Variants in RARB observed in about 807,000 individuals in gnomAD.
The protein encoded by RARB is HBV-activated protein.
Under a neutral mutation model 51.9 loss-of-function variants are expected in RARB, and 17 were observed. That is an observed-to-expected ratio of 0.33 (90% CI 0.22 to 0.49). The LOEUF is 0.49. RARB is among the 20% of genes least tolerant of loss of function. The pLI, the probability that RARB is intolerant of heterozygous loss-of-function variation, is 0.99. For synonymous variants in RARB, 215 were observed against 195.4 expected (o/e 1.10, Z -0.84); for missense variants, 369 against 550.8 (o/e 0.67, Z 3.30).
intron 2 of RARB, among the ~76,000 whole-genome samples, chr3:25,033,035 T>C (rs1032239543): frequency 1.3e-5 from 2 of 152,252 alleles, no homozygotes; most frequent in Non-Finnish European, 2.9e-5. Flanking sequence ...ACTCAATTTC[T>C]AAAATAATCA....
chr3:24,869,247 A>G (rs1702902270), intron 2 of RARB, among the ~76,000 whole-genome samples: 1 of 152,144 alleles, frequency 6.6e-6, no homozygotes, highest in South Asian at 2.1e-4. Flanking sequence ...AATGTGTCTT[A>G]AGTTGGTTTA....
chr3:24,935,862 C>A (rs889957519), intron 2 of RARB, among the ~76,000 whole-genome samples: 41 of 152,168 alleles, frequency 2.7e-4, no homozygotes, highest in African/African-American at 9.9e-4. Context: ...TGGCAGAGAG[C>A]TCTGTCCAAT....
chr3:25,370,789 C>T (rs147474532), intron 5 of RARB, among the ~76,000 whole-genome samples: 4 of 152,264 alleles, frequency 2.6e-5, no homozygotes, highest in South Asian at 4.1e-4. Flanking sequence ...GGCTTGCTGG[C>T]GTCAAACAAC....
chr3:24,987,694 T>G (rs1242942860), intron 2 of RARB, among the ~76,000 whole-genome samples: 4 of 152,186 alleles, frequency 2.6e-5, no homozygotes, highest in Non-Finnish European at 5.9e-5. Context: ...AAAAGATGAT[T>G]TTTCCAAATT....
At position 25,312,314 on chromosome 3, in the gene RARB, T is replaced by A. The variant is rs1044191522; in HGVS notation, c.178+137739T>A. Among the ~76,000 whole-genome samples the A allele has an allele frequency of 3.3e-5, 5 of 152,346 alleles. No individual in the cohort carries two copies. In the South Asian group the frequency reaches 1.0e-3, roughly 32 times the overall value. ...AACACATTCATATTCACTGTTTGAT[T>A]TGATTCTCAAAACAACCCCGGGAGG... On this transcript the variant is annotated intron_variant, in intron 5 of 11. Coordinates refer to the RARB transcript ENST00000383772.
At chr3:25,360,982 C>G (rs1705915577) in intron 5 of RARB, among the ~76,000 whole-genome samples, 1 of 152,120 alleles carries the variant, frequency 6.6e-6, no homozygotes. Flanking sequence ...CAAGGAGTGT[C>G]TTAGTGGTGT....
chr3:25,309,605 C>T (rs1481997925), intron 5 of RARB, among the ~76,000 whole-genome samples: 2 of 144,512 alleles, frequency 1.4e-5, no homozygotes, highest in East Asian at 2.3e-4. Context: ...TCAAGCAATT[C>T]ACCTGCCTCA....
At chr3:24,851,987 G>A (rs1702566015) in intron 1 of RARB, among the ~76,000 whole-genome samples, 1 of 152,200 alleles carries the variant, frequency 6.6e-6, no homozygotes. Flanking sequence ...TTTCAAATAT[G>A]TCTTGACTTT....
chr3:24,904,669 C>T (rs1052048470), intron 2 of RARB, among the ~76,000 whole-genome samples: 4 of 152,144 alleles, frequency 2.6e-5, no homozygotes, highest in Admixed American at 2.0e-4. Context: ...TGGGTATATA[C>T]CCAAAGGATT....
At chr3:25,077,181 T>G (rs937227180) in intron 3 of RARB, among the ~76,000 whole-genome samples, 7 of 152,174 alleles carry the variant, frequency 4.6e-5, no homozygotes, top group Admixed American at 2.0e-4. Context: ...AACTACTCCT[T>G]CTAAACCAAG....
At position 25,104,911 on chromosome 3, in the gene RARB, G is replaced by A. The variant is rs116157768; in HGVS notation, c.-327-27250G>A. On this transcript the variant is annotated intron_variant, in intron 3 of 11. Coordinates refer to the RARB transcript ENST00000383772. ...CAGTGCTAGAAGTTGGGGGAGTGGA[G>A]GTAATGCCTGCAAGGGGAGCTCCTG... Among the ~76,000 whole-genome samples the A allele has an allele frequency of 3.2e-3, 488 of 152,248 alleles. 9 individuals carry two copies. The highest frequency in any genetic ancestry group is 6.8e-3 in the Middle Eastern group (2 of 294).
At chr3:25,477,258 TCTTGCTGTATCTTC>T (rs1695999526) in intron 2 of RARB, among the ~76,000 whole-genome samples, 1 of 152,212 alleles carries the variant, frequency 6.6e-6, no homozygotes, top group Non-Finnish European at 1.5e-5. Flanking sequence ...GCCCCATCTG[TCTTGCTGTATCTTC>T]CTAGCTGCCT....
At chr3:25,268,066 G>A (rs1703165622) in intron 5 of RARB, among the ~76,000 whole-genome samples, 1 of 152,142 alleles carries the variant, frequency 6.6e-6, no homozygotes, top group Non-Finnish European at 1.5e-5. Flanking sequence ...GTAGAGATTT[G>A]TAAATAAAAT....
rs556203554 is a variant in RARB, at chr3:25,333,267, C to G, written c.179-127926C>G. On this transcript the variant is annotated intron_variant, in intron 5 of 11. Coordinates refer to the RARB transcript ENST00000383772. ...AAGCTGGAGGCATCACGCTACCTGA[C>G]TTCAAACTATACTACAAGGCTACAG... Among the ~76,000 whole-genome samples the G allele has an allele frequency of 4.6e-5, 7 of 152,300 alleles. No homozygotes were observed. In the South Asian group the frequency reaches 1.5e-3, roughly 32 times the overall value.
chr3:25,539,844 T>G (rs1699303183), intron 3 of RARB, among the ~76,000 whole-genome samples: 1 of 152,162 alleles, frequency 6.6e-6, no homozygotes, highest in Non-Finnish European at 1.5e-5. Context: ...CAATATTAGT[T>G]TGAACTGTGG....
chr3:24,930,447 A>G lies in RARB; in HGVS notation c.-380+71695A>G, dbSNP rs564017119. On this transcript the variant is annotated intron_variant, in intron 2 of 11. Coordinates refer to the RARB transcript ENST00000383772. ...CAAACCAAAGTAACTTCAATTCACA[A>G]TCATGAGATAAAACCAATGAAAGCC... Among the ~76,000 whole-genome samples the G allele has an allele frequency of 2.0e-5, 3 of 152,200 alleles. No individual in the cohort carries two copies. In the East Asian group the frequency reaches 5.8e-4, roughly 29 times the overall value.
chr3:25,269,377 G>A (rs1039877186), intron 5 of RARB, among the ~76,000 whole-genome samples: 1 of 152,180 alleles, frequency 6.6e-6, no homozygotes. Context: ...TTGAGAGGTA[G>A]GAACGTGTGA....
chr3:25,309,424 C>T (rs1304896046), intron 5 of RARB, among the ~76,000 whole-genome samples: 6 of 149,960 alleles, frequency 4.0e-5, no homozygotes, highest in Non-Finnish European at 7.4e-5. Flanking sequence ...CAGGCGTGAG[C>T]CACCATGCCC....
intron 2 of RARB, among the ~76,000 whole-genome samples, chr3:24,922,763 A>C (rs1376158456): frequency 6.6e-6 from 1 of 152,178 alleles, no homozygotes; most frequent in Non-Finnish European, 1.5e-5. Flanking sequence ...TGCAATTCAT[A>C]ATAGAAAGAC....
Sources: gnomAD v4.1 joint callset for allele counts (sites outside exome capture counted in the v4.1 genomes callset) on GRCh38, gnomAD v4.1.1 for gene constraint, MANE v1.5 for transcripts, NCBI Gene and HGNC (gene_info 2026-07-23, HGNC 2026-07-21) for gene names.